DLGAP2: variants seen among roughly 807,000 people sequenced by gnomAD.
DLGAP2 encodes DLG associated protein 2, also known as disks large-associated protein 2.
DLGAP2 carries 26 observed loss-of-function variants against 100.3 expected under a neutral mutation model. The observed-to-expected ratio is 0.26, with a 90% CI of 0.19 to 0.36. DLGAP2 has a LOEUF of 0.36. Ranked by LOEUF, DLGAP2 falls within the 10% of genes least tolerant of loss-of-function variation. The probability of loss-of-function intolerance (pLI) is 1.00; values close to 1 mark genes in which losing one functional copy is unlikely to be tolerated. For missense variants in DLGAP2, 1,858 were observed against 1,453.2 expected, an observed-to-expected ratio of 1.28 and a Z score of -4.53; for synonymous variants, 886 against 630.1, an observed-to-expected ratio of 1.41 and a Z score of -6.08.
At chr8:1,131,690 C>G (rs1328684428) in intron 2 of DLGAP2, among the ~76,000 whole-genome samples, 1 of 151,322 alleles carries the variant, frequency 6.6e-6, no homozygotes, top group Non-Finnish European at 1.5e-5. Flanking sequence ...GACGCGGCTG[C>G]TGTTCCACAT....
At chr8:823,709 G>A (rs1440058482) in intron 1 of DLGAP2, among the ~76,000 whole-genome samples, 1 of 152,150 alleles carries the variant, frequency 6.6e-6, no homozygotes, top group Non-Finnish European at 1.5e-5. Context: ...AAATGTTTTT[G>A]TTGTTGATGT....
chr8:1,368,218 G>A (rs1425080030), intron 3 of DLGAP2, among the ~76,000 whole-genome samples: 1 of 151,984 alleles, frequency 6.6e-6, no homozygotes, highest in Non-Finnish European at 1.5e-5. Context: ...CCATATATCT[G>A]TGTGCAGGTG....
intron 1 of DLGAP2, among the ~76,000 whole-genome samples, chr8:904,658 A>C (rs1476975272): frequency 6.6e-6 from 1 of 152,154 alleles, no homozygotes; most frequent in Non-Finnish European, 1.5e-5. Context: ...GAGGGGTTAG[A>C]AATCAGTATT....
chr8:1,054,084 T>C (rs1477725170), intron 2 of DLGAP2, among the ~76,000 whole-genome samples: 1 of 152,138 alleles, frequency 6.6e-6, no homozygotes, highest in African/African-American at 2.4e-5. Flanking sequence ...AGTGCTGAAA[T>C]GGGAGCCTCT....
At chr8:926,820 T>C (rs953110500) in intron 2 of DLGAP2, among the ~76,000 whole-genome samples, 15 of 152,218 alleles carry the variant, frequency 9.9e-5, no homozygotes, top group Non-Finnish European at 2.9e-5. Flanking sequence ...GGAGCTGCCC[T>C]CCTCCGGCAA....
At chr8:1,069,582 T>A (rs1187726756) in intron 2 of DLGAP2, among the ~76,000 whole-genome samples, 1 of 152,136 alleles carries the variant, frequency 6.6e-6, no homozygotes, top group Non-Finnish European at 1.5e-5. Context: ...CCCTTCACCG[T>A]GGAAATTATC....
chr8:1,150,971 T>C (rs1487458316), intron 2 of DLGAP2, among the ~76,000 whole-genome samples: 1 of 152,264 alleles, frequency 6.6e-6, no homozygotes, highest in African/African-American at 2.4e-5. Context: ...GTTTTTTGTA[T>C]GTTTGCAGGC....
chr8:1,070,092 C>T (rs1458443133), intron 2 of DLGAP2, among the ~76,000 whole-genome samples: 1 of 152,204 alleles, frequency 6.6e-6, no homozygotes, highest in South Asian at 2.1e-4. Flanking sequence ...TACGCTACTT[C>T]CTGAAAACCT....
intron 2 of DLGAP2, among the ~76,000 whole-genome samples, chr8:1,150,844 A>T (rs1453997857): frequency 6.6e-6 from 1 of 152,244 alleles, no homozygotes; most frequent in African/African-American, 2.4e-5. Context: ...TATTTGAAAT[A>T]TATTAAACAC....
At chr8:1,157,517 C>G (rs1460731409) in intron 2 of DLGAP2, among the ~76,000 whole-genome samples, 2 of 152,164 alleles carry the variant, frequency 1.3e-5, no homozygotes, top group Admixed American at 6.5e-5. Context: ...TAGATTTAGA[C>G]TAAATTACGT....
intron 8 of DLGAP2, among the ~76,000 whole-genome samples, chr8:1,633,734 A>G (rs1238494406): frequency 6.6e-6 from 1 of 152,204 alleles, no homozygotes; most frequent in African/African-American, 2.4e-5. Flanking sequence ...CGCCGCACAT[A>G]GAGGTTAAGG....
At chr8:1,330,695 G>C (rs1307887699) in intron 3 of DLGAP2, among the ~76,000 whole-genome samples, 1 of 146,408 alleles carries the variant, frequency 6.8e-6, no homozygotes, top group African/African-American at 2.6e-5. Context: ...ACTGAGTTCT[G>C]GGTGGGATTG....
intron 2 of DLGAP2, among the ~76,000 whole-genome samples, chr8:1,092,729 C>T (rs566062304): frequency 1.3e-3 from 201 of 152,264 alleles, no homozygotes; most frequent in Non-Finnish European, 2.5e-3. Flanking sequence ...ACCTGAGGTC[C>T]CGACTTGGCC....
intron 3 of DLGAP2, among the ~76,000 whole-genome samples, chr8:1,318,070 GTGTTT>G: frequency 1.9e-5 from 1 of 53,952 alleles, no homozygotes; most frequent in East Asian, 5.7e-4. Flanking sequence ...ACACTCGTCA[GTGTTT>G]AAAAATAGAG....
intron 6 of DLGAP2, among the ~76,000 whole-genome samples, chr8:1,577,803 G>T (rs967477759): frequency 6.6e-6 from 1 of 152,108 alleles, no homozygotes; most frequent in Non-Finnish European, 1.5e-5. Context: ...AGCATGCTGG[G>T]GAACGGGCAG....
chr8:856,199 T>C (rs1797274738), intron 1 of DLGAP2, among the ~76,000 whole-genome samples: 1 of 149,002 alleles, frequency 6.7e-6, no homozygotes, highest in African/African-American at 2.5e-5. Flanking sequence ...TTTTTTTTTT[T>C]TTTTTTGAGA....
chr8:1,200,963 C>T (rs545316557), intron 2 of DLGAP2, among the ~76,000 whole-genome samples: 1 of 152,220 alleles, frequency 6.6e-6, no homozygotes, highest in East Asian at 1.9e-4. Flanking sequence ...CGGCGGGGCG[C>T]TGCGCTCGGC....
intron 3 of DLGAP2, among the ~76,000 whole-genome samples, chr8:1,479,787 G>T (rs1030126451): frequency 6.6e-6 from 1 of 152,122 alleles, no homozygotes; most frequent in African/African-American, 2.4e-5. Flanking sequence ...GTTAATTTTT[G>T]GTGTCTCTGC....
chr8:1,232,308 G>C (rs1271341035), intron 2 of DLGAP2, among the ~76,000 whole-genome samples: 4 of 152,222 alleles, frequency 2.6e-5, no homozygotes, highest in African/African-American at 4.8e-5. Flanking sequence ...TTGGACCTGA[G>C]TGGGGGTGTC....
Sources: allele counts gnomAD v4.1 joint callset (sites outside exome capture counted in the v4.1 genomes callset), GRCh38; gene constraint gnomAD v4.1.1; transcripts MANE v1.5; gene names NCBI Gene and HGNC (gene_info 2026-07-23, HGNC 2026-07-21).